Variants in CSMD1 observed in about 807,000 individuals in gnomAD.
CSMD1 encodes the protein CUB and Sushi multiple domains 1.
CSMD1 carries 213 observed loss-of-function variants against 417.5 expected under a neutral mutation model. The observed-to-expected ratio is 0.51, with a 90% CI of 0.46 to 0.57. The LOEUF (loss-of-function observed/expected upper bound fraction) is 0.57, where lower values mean the gene tolerates loss of function less well. CSMD1 is among the 20% of genes least tolerant of loss of function. CSMD1 has a pLI of 0.00. For synonymous variants in CSMD1, 2,862 were observed against 1,736.8 expected, an observed-to-expected ratio of 1.65 and a Z score of -16.11; for missense variants, 6,923 against 4,529.7, an observed-to-expected ratio of 1.53 and a Z score of -15.17.
At chr8:4,081,088 A>G (rs917330577) in intron 3 of CSMD1, among the ~76,000 whole-genome samples, 1 of 152,256 alleles carries the variant, frequency 6.6e-6, no homozygotes, top group South Asian at 2.1e-4. Context: ...AACACTTTGG[A>G]AGCAGAGAGA....
intron 15 of CSMD1, among the ~76,000 whole-genome samples, chr8:3,404,105 C>T (rs1177235451): frequency 6.6e-6 from 1 of 152,066 alleles, no homozygotes; most frequent in Non-Finnish European, 1.5e-5. Flanking sequence ...TTAGAAGTTT[C>T]TACTTCTCCT....
At chr8:3,563,483 G>A (rs1799563384) in intron 10 of CSMD1, among the ~76,000 whole-genome samples, 1 of 140,902 alleles carries the variant, frequency 7.1e-6, no homozygotes, top group Non-Finnish European at 1.5e-5. Context: ...TCTAAGACCT[G>A]TAAAACTAAC....
chr8:3,096,089 A>G (rs1815273383), intron 47 of CSMD1, among the ~76,000 whole-genome samples: 1 of 152,210 alleles, frequency 6.6e-6, no homozygotes, highest in Non-Finnish European at 1.5e-5. Flanking sequence ...ATATCTTGTG[A>G]ATTGATATTA....
chr8:4,362,724 T>A lies in CSMD1; in HGVS notation c.415+57229A>T, dbSNP rs1801843543. 3.9e-5 allele frequency among the ~76,000 whole-genome samples: 6 copies of A among 152,326 alleles called. No homozygotes were observed. The South Asian group carries it at 1.2e-3, about 32-fold the overall frequency. On this transcript the variant is annotated intron_variant, in intron 3 of 69. Coordinates refer to ENST00000635120, the MANE Select transcript of CSMD1 (RefSeq NM_033225.6). ...GATTTGTAAGAGAAAAGGACTTTCTTTACATTGTTGTGTAATCAGTTTTTA... is the reference window on the plus strand; with the variant it reads ...GATTTGTAAGAGAAAAGGACTTTCTATACATTGTTGTGTAATCAGTTTTTA...
chr8:4,289,394 A>C (rs1797236199), intron 3 of CSMD1, among the ~76,000 whole-genome samples: 1 of 81,094 alleles, frequency 1.2e-5, no homozygotes, highest in Non-Finnish European at 2.7e-5. Flanking sequence ...CAATTAGTTA[A>C]AGTAGAGGGA....
rs553193522 is a variant in CSMD1 at position 3,801,713 on chromosome 8, A to C, written c.819-47671T>G. On this transcript the variant is annotated intron_variant, in intron 5 of 69. Coordinates refer to ENST00000635120, the MANE Select transcript of CSMD1 (RefSeq NM_033225.6). ...ATCATTCATAATATCCAAAATATGGAAACAATTCAAGCATTCACCAACTGA... is the reference window on the plus strand; with the variant it reads ...ATCATTCATAATATCCAAAATATGGCAACAATTCAAGCATTCACCAACTGA... Among the ~76,000 whole-genome samples the C allele has an allele frequency of 1.3e-4, 20 of 152,322 alleles. No individual in the cohort carries two copies. In the East Asian group the frequency reaches 2.5e-3, roughly 19 times the overall value.
intron 2 of CSMD1, among the ~76,000 whole-genome samples, chr8:4,576,870 A>G (rs9314533): frequency 6.6e-6 from 1 of 152,282 alleles, no homozygotes; most frequent in African/African-American, 2.4e-5. Context: ...CTTTAGTCAC[A>G]TACTTCAGTT....
At chr8:4,210,053 T>C (rs1800216358) in intron 3 of CSMD1, among the ~76,000 whole-genome samples, 1 of 152,138 alleles carries the variant, frequency 6.6e-6, no homozygotes, top group African/African-American at 2.4e-5. Context: ...AAGCCCTGCT[T>C]CCTGAGTCAA....
intron 1 of CSMD1, among the ~76,000 whole-genome samples, chr8:4,811,800 G>C (rs1342805458): frequency 6.6e-6 from 1 of 151,946 alleles, no homozygotes; most frequent in East Asian, 1.9e-4. Flanking sequence ...AAAATACCAA[G>C]TTTTGCATAG....
Position 3,899,480 on chromosome 8 carries a change from T to C in CSMD1, c.818+98423A>G, listed in dbSNP as rs547074702. Among the ~76,000 whole-genome samples the C allele has an allele frequency of 1.8e-3, 268 of 152,190 alleles. 2 individuals are homozygous for C. Among genetic ancestry groups the C allele is most frequent in the Non-Finnish European group, 1.6e-3 (112 of 68,006 alleles). On this transcript the variant is annotated intron_variant, in intron 5 of 69. Transcript: ENST00000635120. ...GTATTGATCCAACCGCAGAGGTGGG[T>C]AGAAACTAGACCTGGAAGGACCCTC...
intron 1 of CSMD1, among the ~76,000 whole-genome samples, chr8:4,875,899 C>A (rs968429249): frequency 6.6e-6 from 1 of 151,926 alleles, no homozygotes; most frequent in Non-Finnish European, 1.5e-5. Context: ...TATTTAATTA[C>A]TCAAAAGAGT....
At chr8:3,688,187 G>C (rs1041042807) in intron 7 of CSMD1, among the ~76,000 whole-genome samples, 1 of 152,126 alleles carries the variant, frequency 6.6e-6, no homozygotes, top group Non-Finnish European at 1.5e-5. Context: ...GGCATAAATT[G>C]GACACAATGA....
intron 29 of CSMD1, among the ~76,000 whole-genome samples, chr8:3,216,137 C>T (rs1797868577): frequency 6.6e-6 from 1 of 151,132 alleles, no homozygotes; most frequent in African/African-American, 2.4e-5. Flanking sequence ...TTGTTTTGTG[C>T]CTTCAAACCA....
At chr8:4,351,062 T>C (rs1801064690) in intron 3 of CSMD1, among the ~76,000 whole-genome samples, 1 of 151,902 alleles carries the variant, frequency 6.6e-6, no homozygotes, top group South Asian at 2.1e-4. Flanking sequence ...CTCAGACCAG[T>C]AATTCCAGAA....
chr8:4,616,120 T>C (rs1222111352), intron 2 of CSMD1, among the ~76,000 whole-genome samples: 1 of 152,192 alleles, frequency 6.6e-6, no homozygotes, highest in African/African-American at 2.4e-5. Flanking sequence ...CATCTTCCTA[T>C]AACATACTCC....
intron 11 of CSMD1, among the ~76,000 whole-genome samples, chr8:3,479,289 T>C (rs13277547): frequency 0.061 from 9,342 of 152,196 alleles, 368 homozygotes; most frequent in African/African-American, 0.1. Flanking sequence ...TATTTATTTA[T>C]TTATTTTTTA....
In CSMD1 at chr8:4,974,777, T is replaced by C. The variant is rs1584940645; in HGVS notation, c.85+19555A>G. ...AGAAGGTGATTTTTTGAGCCTCAAA[T>C]CTTTGTCAGGAAAATATGGGATGAT... On this transcript the variant is annotated intron_variant, in intron 1 of 69. Coordinates refer to ENST00000635120, the MANE Select transcript of CSMD1 (RefSeq NM_033225.6). Among the ~76,000 whole-genome samples the C allele has an allele frequency of 3.9e-5, 6 of 152,258 alleles. No individual in the cohort carries two copies. In the South Asian group the frequency reaches 1.2e-3, roughly 32 times the overall value.
chr8:2,990,832 T>C (rs1317421234), intron 54 of CSMD1, among the ~76,000 whole-genome samples: 1 of 152,210 alleles, frequency 6.6e-6, no homozygotes, highest in Non-Finnish European at 1.5e-5. Flanking sequence ...CTATGCAAGG[T>C]ATTGAGCAAA....
chr8:4,517,090 G>A (rs1391622892), intron 2 of CSMD1, among the ~76,000 whole-genome samples: 2 of 152,112 alleles, frequency 1.3e-5, no homozygotes, highest in African/African-American at 4.8e-5. Flanking sequence ...TTTAAATTAT[G>A]TTTTCAGCTT....
Sources: allele counts gnomAD v4.1 joint callset (sites outside exome capture counted in the v4.1 genomes callset), GRCh38; gene constraint gnomAD v4.1.1; transcripts MANE v1.5; gene names NCBI Gene and HGNC (gene_info 2026-07-23, HGNC 2026-07-21).